Variants in BRD1 observed in about 807,000 individuals in gnomAD.
BRD1 encodes the protein bromodomain-containing protein 1.
A neutral mutation model predicts 107.7 loss-of-function variants in BRD1; 24 were observed. That is an observed-to-expected ratio of 0.22 (90% CI 0.16 to 0.31). The LOEUF is 0.31. Ranked by LOEUF, BRD1 falls within the 10% of genes least tolerant of loss-of-function variation. The pLI, the probability that BRD1 is intolerant of heterozygous loss-of-function variation, is 1.00. For synonymous variants in BRD1, 744 were observed against 686.1 expected (o/e 1.08, Z -1.32); for missense variants, 1,279 against 1,638.6 (o/e 0.78, Z 3.79).
In BRD1 at chr22:49,818,018, A is replaced by G. The variant is rs114298292; in HGVS notation, c.1367+4933T>C. 8.0e-3 allele frequency among the ~76,000 whole-genome samples: 1,218 copies of G among 152,358 alleles called. 21 individuals are homozygous for G. Among genetic ancestry groups the G allele is most frequent in the African/African-American group, 0.028 (1,144 of 41,580 alleles). On this transcript the variant is annotated intron_variant, in intron 2 of 12. Coordinates refer to ENST00000404760, the MANE Select transcript of BRD1 (RefSeq NM_001304808.3). ...GTCACTCTAATTTAAATGCATGAGG[A>G]GAATATCTAGGTATTTAAAGTTCGC...
At chr22:49,801,641 C>A (rs2059643087) in intron 3 of BRD1, among the ~76,000 whole-genome samples, 1 of 152,244 alleles carries the variant, frequency 6.6e-6, no homozygotes, top group African/African-American at 2.4e-5. Flanking sequence ...TCCCAGGTGA[C>A]TTCGAGAAGC....
intron 4 of BRD1, 55 bp from the exon 5 acceptor site, chr22:49,798,741 C>G: frequency 2.0e-6 from 3 of 1,493,126 alleles, no homozygotes; most frequent in Non-Finnish European, 2.7e-6. Context: ...CGTCTCAGCC[C>G]CACCACGCGC....
rs1311037594 is a variant in BRD1, at chr22:49,824,509, C to T, written c.-14-178G>A. On this transcript the variant is annotated intron_variant, in intron 1 of 12. Coordinates refer to ENST00000404760, the MANE Select transcript of BRD1 (RefSeq NM_001304808.3). The surrounding 1 kb of genome is among the most constrained non-coding windows in gnomAD (Gnocchi z 5.9). ...CACACATCCAGGCCTGAGCGAGTCCCCAGGACCAGGGAGGGAGCAGCAGTA... is the reference window on the plus strand; with the variant it reads ...CACACATCCAGGCCTGAGCGAGTCCTCAGGACCAGGGAGGGAGCAGCAGTA... 1 of 1,420,522 alleles carries T rather than the reference C, an allele frequency of 7.0e-7. No individual in the cohort carries two copies. The highest frequency in any genetic ancestry group is 9.2e-7 in the Non-Finnish European group (1 of 1,092,422). The allele number at this position is 1,420,522 out of a possible 1,614,324, so 88.0% of individuals were successfully genotyped here. A position where few individuals can be genotyped will look rare whatever the true frequency, so the allele number is the denominator to read the frequency against.
chr22:49,805,282 C>A (rs1459280459), intron 2 of BRD1, among the ~76,000 whole-genome samples: 1 of 152,200 alleles, frequency 6.6e-6, no homozygotes, highest in Non-Finnish European at 1.5e-5. Context: ...TCCGGCAGAA[C>A]CTGGCTCAAG....
At position 49,827,484 on chromosome 22, in the gene BRD1, C is replaced by T. The variant is rs1207407744; in HGVS notation, c.-15+13G>A. 1 of 145,184 alleles carries T rather than the reference C, an allele frequency of 6.9e-6. No individual in the cohort carries two copies. Among genetic ancestry groups the T allele is most frequent in the Non-Finnish European group, 1.5e-5 (1 of 65,346 alleles). 9.0% of individuals were successfully genotyped at this position (145,184 alleles called of 1,614,324 possible). A position where few individuals can be genotyped will look rare whatever the true frequency, so the allele number is the denominator to read the frequency against. On this transcript the variant is annotated intron_variant, in intron 1 of 12. Transcript: ENST00000404760. ...GCGGGGAGGCCTCCCCGGCCAGGCC[C>T]CCGCCCACTCACCTTCGGGGCGCCG...
intron 11 of BRD1, 70 bp from the exon 12 acceptor site, chr22:49,775,815 A>AACCCCCCC: frequency 1.8e-6 from 2 of 1,141,502 alleles, no homozygotes; most frequent in South Asian, 1.9e-5. Flanking sequence ...TGTCACTGGC[A>AACCCCCCC]CCCCCCCCCG....
chr22:49,808,086 A>G (rs1181031667), intron 2 of BRD1, among the ~76,000 whole-genome samples: 2 of 152,214 alleles, frequency 1.3e-5, no homozygotes, highest in East Asian at 3.9e-4. Context: ...CGCCGGCAAG[A>G]ACGTAAAAAG....
In BRD1 at chr22:49,780,418, G is replaced by A. The variant is rs574315834; in HGVS notation, c.2858-2605C>T. Among the ~76,000 whole-genome samples, 4 of 152,350 alleles carry A rather than the reference G, an allele frequency of 2.6e-5. No individual in the cohort carries two copies. In the East Asian group the frequency reaches 5.8e-4, roughly 22 times the overall value. On this transcript the variant is annotated intron_variant, in intron 8 of 12. Coordinates refer to ENST00000404760, the MANE Select transcript of BRD1 (RefSeq NM_001304808.3). ...AAAATGTGACAGCACCCGGGAAGACGTGGGCAGCACAGACAAACCCAGCCC... is the reference window on the plus strand; with the variant it reads ...AAAATGTGACAGCACCCGGGAAGACATGGGCAGCACAGACAAACCCAGCCC...
At chr22:49,789,524 G>A (rs1041158711) in intron 7 of BRD1, among the ~76,000 whole-genome samples, 1 of 137,240 alleles carries the variant, frequency 7.3e-6, no homozygotes, top group African/African-American at 2.7e-5. Context: ...CCCTGATTAC[G>A]ACATTCAACT....
rs188295853 is a variant in BRD1 at position 49,818,145 on chromosome 22, G to A, written c.1367+4806C>T. Reference sequence around the variant, plus strand: ...AATGACACCAGTGAAGGCGGGAGGAGCACCCTATCAGGGTGAAGGCGGGAG... The same window carrying A: ...AATGACACCAGTGAAGGCGGGAGGAACACCCTATCAGGGTGAAGGCGGGAG... On this transcript the variant is annotated intron_variant, in intron 2 of 12. Transcript: ENST00000404760. 20 of 878,698 alleles carry A rather than the reference G, an allele frequency of 2.3e-5. No individual in the cohort carries two copies. The Admixed American group carries it at 6.8e-4, about 30-fold the overall frequency. 54.4% of individuals were successfully genotyped at this position (878,698 alleles called of 1,614,324 possible).
intron 2 of BRD1, among the ~76,000 whole-genome samples, chr22:49,810,774 A>G (rs1220708277): frequency 6.6e-6 from 1 of 152,228 alleles, no homozygotes; most frequent in African/African-American, 2.4e-5. Flanking sequence ...GCACCATGGA[A>G]TGGGTATCAT....
Position 49,776,934 on chromosome 22 carries a change from C to T in BRD1, c.3121+100G>A, listed in dbSNP as rs1038966268. The T allele has an allele frequency of 3.9e-6, 6 of 1,521,614 alleles. No homozygotes were observed. The African/African-American group carries it at 5.4e-5, about 14-fold the overall frequency. 94.3% of individuals were successfully genotyped at this position (1,521,614 alleles called of 1,614,324 possible). A position where few individuals can be genotyped will look rare whatever the true frequency, so the allele number is the denominator to read the frequency against. Reference sequence around the variant, plus strand: ...GGCCAGGGTGGGGCTCCACACAGGGCACCATGCTCCCTGAGCCGGAGTCCA... The same window carrying T: ...GGCCAGGGTGGGGCTCCACACAGGGTACCATGCTCCCTGAGCCGGAGTCCA... On this transcript the variant is annotated intron_variant, in intron 10 of 12. Transcript: ENST00000404760.
intron 8 of BRD1, 38 bp downstream of exon 8, chr22:49,787,352 C>T (rs770344851): frequency 5.2e-6 from 7 of 1,348,306 alleles, no homozygotes; most frequent in Admixed American, 2.1e-5. Context: ...AGGCACTGGT[C>T]GGCAAGGGCG....
At chr22:49,785,693 T>G (rs775505871) in intron 8 of BRD1, among the ~76,000 whole-genome samples, 2 of 152,238 alleles carry the variant, frequency 1.3e-5, no homozygotes, top group African/African-American at 4.8e-5. Flanking sequence ...TATTTTAAAA[T>G]GCCAATTTAA....
chr22:49,775,791 TA>T, intron 11 of BRD1, 46 bp from the exon 12 acceptor site: 1 of 1,502,020 alleles, frequency 6.7e-7, no homozygotes, highest in Non-Finnish European at 8.9e-7. Context: ...CTCACACCCA[TA>T]AACAACCCCA....
At chr22:49,787,199 G>C (rs890235492) in intron 8 of BRD1, among the ~76,000 whole-genome samples, 191 bp downstream of exon 8, 46 of 152,214 alleles carry the variant, frequency 3.0e-4, no homozygotes, top group African/African-American at 1.1e-3. Flanking sequence ...CCCCACGAAG[G>C]CGCCGGCCTC....
chr22:49,787,600 C>G lies in BRD1; in HGVS notation c.2647G>C (p.Val883Leu), dbSNP rs1339601531. Residue 883 changes from valine (V) to leucine (L), a missense_variant, in exon 8 of 13, where the codon GTT becomes CTT. Coordinates refer to ENST00000404760, the MANE Select transcript of BRD1 (RefSeq NM_001304808.3). Reference sequence around the variant, plus strand: ...ACACTTTTCGATTTGCAGAAGAGAACAGAAGTGCGTCTGTTTACATCGCTT... The same window carrying G: ...ACACTTTTCGATTTGCAGAAGAGAAGAGAAGTGCGTCTGTTTACATCGCTT... ...PASDVNRRTSVLFCKSKSVSP... is the reference protein window; with the variant it reads ...PASDVNRRTSLLFCKSKSVSP... 6.4e-7 allele frequency: 1 copy of G among 1,555,478 alleles called. No homozygotes were observed. Among genetic ancestry groups the G allele is most frequent in the Non-Finnish European group, 8.7e-7 (1 of 1,149,170 alleles).
intron 2 of BRD1, chr22:49,805,765 G>A (rs1354138771): frequency 2.2e-5 from 3 of 134,942 alleles, no homozygotes; most frequent in African/African-American, 5.6e-5. Flanking sequence ...TTTTTGAGAT[G>A]GAGTCTCACT....
chr22:49,796,968 G>A (rs538979469), intron 6 of BRD1, among the ~76,000 whole-genome samples: 1 of 152,358 alleles, frequency 6.6e-6, no homozygotes, highest in Admixed American at 6.5e-5. Context: ...TCAGGGATAT[G>A]GGACCTTTAG....
Sources: gnomAD v4.1 joint callset for allele counts (sites outside exome capture counted in the v4.1 genomes callset) on GRCh38, gnomAD v4.1.1 for gene constraint, Gnocchi (gnomAD v3.1) non-coding constraint, MANE v1.5 for transcripts, NCBI Gene and HGNC (gene_info 2026-07-23, HGNC 2026-07-21) for gene names.